The following GABRG2 variants were observed in gnomAD, a reference collection of about 807,000 sequenced individuals.
GABRG2 encodes gamma-aminobutyric acid receptor subunit gamma-2.
GABRG2 carries 16 observed loss-of-function variants against 56.4 expected under a neutral mutation model. That is an observed-to-expected ratio of 0.28 (90% CI 0.19 to 0.43). The LOEUF is 0.43. GABRG2 is among the 20% of genes least tolerant of loss of function. GABRG2 has a pLI of 1.00. For missense variants in GABRG2, 327 were observed against 582.7 expected (o/e 0.56, Z 4.52); for synonymous variants, 208 against 205.5 (o/e 1.01, Z -0.10).
chr5:162,151,868 A>T (rs1260171550), intron 9 of GABRG2, 115 bp downstream of exon 9: 1 of 914,996 alleles, frequency 1.1e-6, no homozygotes, highest in Non-Finnish European at 1.7e-6. Flanking sequence ...TCTACTAGAG[A>T]TAATATGTTG....
At chr5:162,099,826 G>A (rs1761284924) in intron 4 of GABRG2, 1 of 152,046 alleles carries the variant, frequency 6.6e-6, no homozygotes, top group Non-Finnish European at 1.5e-5. Context: ...TTTTGTTCTG[G>A]CTATCTAAAA....
intron 8 of GABRG2, chr5:162,149,553 A>G (rs1561661031): frequency 1.3e-6 from 1 of 760,038 alleles, no homozygotes; most frequent in Non-Finnish European, 2.4e-6. Flanking sequence ...TGCTCTCTTT[A>G]TTTTGTGGAG....
intron 1 of GABRG2, among the ~76,000 whole-genome samples, chr5:162,091,601 A>AT (rs1358187072): frequency 6.6e-6 from 1 of 151,430 alleles, no homozygotes; most frequent in African/African-American, 2.4e-5. Context: ...TAAGTACTCT[A>AT]TTTTACCTCT....
upstream of GABRG2, chr5:162,067,495 G>A (rs570679784): frequency 2.8e-5 from 12 of 422,946 alleles, no homozygotes; most frequent in South Asian, 9.0e-5. Flanking sequence ...GTTAATCTGC[G>A]TGATAGTTAA....
intron 1 of GABRG2, among the ~76,000 whole-genome samples, chr5:162,092,540 T>A (rs1293289951): frequency 6.6e-6 from 1 of 152,208 alleles, no homozygotes; most frequent in Non-Finnish European, 1.5e-5. Flanking sequence ...TCTATATATA[T>A]GATGTACATA....
intron 7 of GABRG2, among the ~76,000 whole-genome samples, chr5:162,147,800 C>T (rs962600564): frequency 6.6e-6 from 1 of 152,080 alleles, no homozygotes; most frequent in Non-Finnish European, 1.5e-5. Flanking sequence ...TCTTTTCTGT[C>T]CCCCGTAAGA....
chr5:162,074,854 A>AAACAAGAG (rs1201535916), intron 1 of GABRG2, among the ~76,000 whole-genome samples: 5 of 152,158 alleles, frequency 3.3e-5, no homozygotes, highest in African/African-American at 1.2e-4. Flanking sequence ...TGTTTAGAGA[A>AAACAAGAG]TGCTAAGAGG....
At position 162,154,721 on chromosome 5, in the gene GABRG2, A is replaced by G. The variant is rs1483018740; in HGVS notation, c.*1353A>G. The G allele has an allele frequency of 1.3e-5, 2 of 152,074 alleles. No homozygotes were observed. The highest frequency in any genetic ancestry group is 6.6e-5 in the Admixed American group (1 of 15,234). 9.4% of individuals were successfully genotyped at this position (152,074 alleles called of 1,614,324 possible). A position where few individuals can be genotyped will look rare whatever the true frequency, so the allele number is the denominator to read the frequency against. ...ATGAGTCAGTCCTTGCCCATCCACA[A>G]TTTTGTTTGTGAACTTATAACAGGA... On this transcript the variant is annotated 3_prime_UTR_variant, in exon 10 of 10. Coordinates refer to ENST00000639213, the MANE Select transcript of GABRG2 (RefSeq NM_198904.4).
intron 7 of GABRG2, chr5:162,142,759 G>A: frequency 6.9e-6 from 2 of 289,210 alleles, no homozygotes; most frequent in South Asian, 3.5e-5. Flanking sequence ...TGGGGTGGAG[G>A]GATTGGGGAG....
intron 7 of GABRG2, among the ~76,000 whole-genome samples, chr5:162,144,554 A>C (rs1434943840): frequency 2.0e-5 from 3 of 152,194 alleles, no homozygotes; most frequent in Non-Finnish European, 4.4e-5. Context: ...TATGGTCTCT[A>C]TGTCTTTTCT....
chr5:162,135,299 A>C (rs1038684898), intron 6 of GABRG2, among the ~76,000 whole-genome samples: 1 of 152,170 alleles, frequency 6.6e-6, no homozygotes, highest in Non-Finnish European at 1.5e-5. Context: ...AAGTTCAGCA[A>C]AAATTTTTCC....
rs560508420 is a variant in GABRG2, at chr5:162,125,311, T to C, written c.770-16853T>C. ...TTTTAATCTTCTGGATATTCATTTT[T>C]ACCCTGTTGCTTGCTCATCTATCCT... is the stretch of plus-strand genomic sequence containing the variant. On this transcript the variant is annotated intron_variant, in intron 6 of 9. Coordinates refer to ENST00000639213, the MANE Select transcript of GABRG2 (RefSeq NM_198904.4). 1.9e-3 allele frequency among the ~76,000 whole-genome samples: 288 copies of C among 151,946 alleles called. 2 individuals are homozygous for C. The highest frequency in any genetic ancestry group is 6.7e-3 in the African/African-American group (280 of 41,520).
intron 6 of GABRG2, among the ~76,000 whole-genome samples, chr5:162,112,321 A>G (rs912489081): frequency 6.6e-6 from 1 of 152,072 alleles, no homozygotes; most frequent in African/African-American, 2.4e-5. Context: ...CTATTTTGCT[A>G]CATTTAAGAG....
intron 6 of GABRG2, among the ~76,000 whole-genome samples, chr5:162,115,731 A>C (rs149639355): frequency 6.6e-6 from 1 of 152,228 alleles, no homozygotes; most frequent in Non-Finnish European, 1.5e-5. Flanking sequence ...AAGGACCTTA[A>C]TTTATTAGCC....
intron 6 of GABRG2, among the ~76,000 whole-genome samples, chr5:162,106,245 C>T (rs2113385643): frequency 6.6e-6 from 1 of 152,290 alleles, no homozygotes; most frequent in East Asian, 1.9e-4. Context: ...AAAGATACTA[C>T]ATTTCACACT....
intron 1 of GABRG2, among the ~76,000 whole-genome samples, chr5:162,090,123 C>G (rs1411012526): frequency 1.3e-5 from 2 of 151,944 alleles, no homozygotes; most frequent in Non-Finnish European, 2.9e-5. Context: ...TGCCTAAATT[C>G]AAATTATGCA....
intron 7 of GABRG2, among the ~76,000 whole-genome samples, chr5:162,147,581 G>C (rs1028385786): frequency 6.6e-6 from 1 of 152,028 alleles, no homozygotes; most frequent in African/African-American, 2.4e-5. Flanking sequence ...GGTCAGGCTG[G>C]TCTCAAATTC....
chr5:162,102,901 G>C (rs1376384409), intron 5 of GABRG2: 1 of 165,828 alleles, frequency 6.0e-6, no homozygotes, highest in East Asian at 1.6e-4. Flanking sequence ...CAGAAAGGGG[G>C]AACTATGTGG....
intron 6 of GABRG2, among the ~76,000 whole-genome samples, chr5:162,109,403 TA>T (rs1471010469): frequency 1.2e-4 from 16 of 135,880 alleles, no homozygotes; most frequent in African/African-American, 2.6e-4. Flanking sequence ...TATATATATA[TA>T]TATATATATA....
Sources: allele counts gnomAD v4.1 joint callset (sites outside exome capture counted in the v4.1 genomes callset), GRCh38; gene constraint gnomAD v4.1.1; transcripts MANE v1.5; gene names NCBI Gene and HGNC (gene_info 2026-07-23, HGNC 2026-07-21).